TRIP11: variants seen among roughly 807,000 people sequenced by gnomAD.
TRIP11 encodes thyroid receptor-interacting protein 11.
Under a neutral mutation model 223.1 loss-of-function variants are expected in TRIP11, and 148 were observed. The observed-to-expected ratio is 0.66, with a 90% CI of 0.58 to 0.76. TRIP11 has a LOEUF of 0.76. Ranked by LOEUF, TRIP11 falls within the 30% of genes least tolerant of loss-of-function variation. The probability of loss-of-function intolerance (pLI) is 0.00; values close to 1 mark genes in which losing one functional copy is unlikely to be tolerated. For missense variants in TRIP11, 2,043 were observed against 2,222.0 expected, an observed-to-expected ratio of 0.92 and a Z score of 1.62; for synonymous variants, 762 against 772.6, an observed-to-expected ratio of 0.99 and a Z score of 0.23.
At chr14:91,972,601 G>A in intron 20 of TRIP11, 116 bp downstream of exon 20, 1 of 1,059,152 alleles carries the variant, frequency 9.4e-7, no homozygotes, top group Non-Finnish European at 1.3e-6. Context: ...AATTCTGGAA[G>A]TCCTGATTAC....
Position 92,005,500 on chromosome 14 carries a change from T to C in TRIP11, c.2476A>G (p.Lys826Glu), listed in dbSNP as rs1001603991. ...TATTTATCCAATTCCTCCTGCAGCT[T>C]TGAACTTCTTTCTTTAAGCTTTTCA... ...FIEKLKERSSKLQEELDKYSQ... is the reference protein window; with the variant it reads ...FIEKLKERSSELQEELDKYSQ... The change falls in exon 11 of 21, where the codon AAG becomes GAG. Residue 826 changes from lysine to glutamate, a missense_variant. Coordinates refer to ENST00000267622, the MANE Select transcript of TRIP11 (RefSeq NM_004239.4). 1.2e-5 allele frequency: 19 copies of C among 1,613,566 alleles called. No homozygotes were observed. In the African/African-American group the frequency reaches 1.9e-4, roughly 16 times the overall value.
intron 1 of TRIP11, 115 bp downstream of exon 1, chr14:92,039,432 G>A: frequency 8.9e-7 from 1 of 1,120,684 alleles, no homozygotes; most frequent in South Asian, 1.4e-5. Context: ...AGAAAAAAGG[G>A]AGGAGCAGCA....
intron 13 of TRIP11, 78 bp from the exon 14 acceptor site, chr14:91,995,593 T>C: frequency 7.7e-7 from 1 of 1,299,978 alleles, no homozygotes; most frequent in Non-Finnish European, 1.1e-6. Flanking sequence ...CTTCCCTACA[T>C]CTTATTACTT....
chr14:91,978,233 G>C lies in TRIP11; in HGVS notation c.5261-2044C>G, dbSNP rs190830950. ...GCAAATAAGTTAATCTCTCGTCACT[G>C]TTTTGACTTAACCGTCCCACTCACA... On this transcript the variant is annotated intron_variant, in intron 16 of 20. Coordinates refer to ENST00000267622, the MANE Select transcript of TRIP11 (RefSeq NM_004239.4). This position sits in a 1 kb window ranked among gnomAD's most constrained non-coding sequence, Gnocchi z 4.4. 6.6e-6 allele frequency among the ~76,000 whole-genome samples: 1 copy of C among 152,240 alleles called. No individual in the cohort carries two copies. Among genetic ancestry groups the C allele is most frequent in the Non-Finnish European group, 1.5e-5 (1 of 67,996 alleles).
At position 91,978,434 on chromosome 14, in the gene TRIP11, A is replaced by C. The variant is rs2056495006; in HGVS notation, c.5261-2245T>G. On this transcript the variant is annotated intron_variant, in intron 16 of 20. Transcript: ENST00000267622. The surrounding 1 kb of genome is among the most constrained non-coding windows in gnomAD (Gnocchi z 4.4). ...CCCTTCTCCTACCTACTTTCCTCTA[A>C]AATTAGTAATTTGTATATTGATTAC... is the stretch of plus-strand genomic sequence containing the variant. Among the ~76,000 whole-genome samples, 1 of 151,880 alleles carries C rather than the reference A, an allele frequency of 6.6e-6. No individual in the cohort carries two copies. Among genetic ancestry groups the C allele is most frequent in the Non-Finnish European group, 1.5e-5 (1 of 68,020 alleles).
chr14:91,976,494 G>C (rs1434120135), intron 16 of TRIP11, among the ~76,000 whole-genome samples: 3 of 152,190 alleles, frequency 2.0e-5, no homozygotes, highest in Admixed American at 6.5e-5. Flanking sequence ...TAGCAAAGAA[G>C]AGATTTTCAT....
chr14:92,011,483 C>CAA lies in TRIP11; in HGVS notation c.1227+270_1227+271dup, dbSNP rs200967942. 0.042 allele frequency among the ~76,000 whole-genome samples: 1,800 copies of CAA among 42,422 alleles called. 389 individuals are homozygous for CAA. The highest frequency in any genetic ancestry group is 0.14 in the African/African-American group (1,565 of 11,478). 27.8% of individuals were successfully genotyped at this position (42,422 alleles called of 152,430 possible). On this transcript the variant is annotated intron_variant, in intron 8 of 20. Coordinates refer to ENST00000267622, the MANE Select transcript of TRIP11 (RefSeq NM_004239.4). ...TGGGTGACAGAGCAAGACTCCGTCT[C>CAA]AAAAAAAAAAAAAAAAAAAAAAAAA...
At chr14:91,976,879 C>G (rs1009039740) in intron 16 of TRIP11, among the ~76,000 whole-genome samples, 1 of 152,116 alleles carries the variant, frequency 6.6e-6, no homozygotes, top group African/African-American at 2.4e-5. Flanking sequence ...AAGGCAAAGT[C>G]TAGAATTACA....
At chr14:91,997,928 A>T (rs2056771328) in intron 13 of TRIP11, among the ~76,000 whole-genome samples, 2 of 152,196 alleles carry the variant, frequency 1.3e-5, no homozygotes, top group Non-Finnish European at 2.9e-5. Flanking sequence ...AGTGCAAAAA[A>T]AGAGTGAGAA....
At chr14:91,987,267 A>G (rs2056614978) in intron 16 of TRIP11, among the ~76,000 whole-genome samples, 1 of 152,070 alleles carries the variant, frequency 6.6e-6, no homozygotes, top group Non-Finnish European at 1.5e-5. Flanking sequence ...GAATCAAGTC[A>G]TTTTGAGGAC....
intron 16 of TRIP11, among the ~76,000 whole-genome samples, chr14:91,981,022 T>A (rs1277068356): frequency 4.9e-4 from 61 of 125,110 alleles, no homozygotes; most frequent in African/African-American, 1.8e-3. Context: ...ATTTTTTTTT[T>A]TTTTTTTTTT....
At position 91,995,348 on chromosome 14, in the gene TRIP11, T is replaced by C. The variant is rs1446711287; in HGVS notation, c.5056+4A>G. On this transcript the variant is annotated splice_donor_region_variant and intron_variant, in intron 14 of 20. Coordinates refer to ENST00000267622, the MANE Select transcript of TRIP11 (RefSeq NM_004239.4). ...TTCATTGAAAGAGTGACCGTAGAGC[T>C]TACCTTGTTGGAAATGCTCTAGTAC... 1 of 1,613,330 alleles carries C rather than the reference T, an allele frequency of 6.2e-7. No homozygotes were observed. The highest frequency in any genetic ancestry group is 1.7e-5 in the Admixed American group (1 of 60,024).
At chr14:92,028,285 C>T (rs540330667) in intron 2 of TRIP11, among the ~76,000 whole-genome samples, 2 of 152,248 alleles carry the variant, frequency 1.3e-5, no homozygotes, top group East Asian at 1.9e-4. Context: ...AAGGGCTAGG[C>T]GTGGTGGCTC....
chr14:92,011,704 G>A, intron 8 of TRIP11, 51 bp downstream of exon 8: 1 of 1,480,310 alleles, frequency 6.8e-7, no homozygotes, highest in South Asian at 1.1e-5. Context: ...CTTGGTATAG[G>A]ATCTGCTTCC....
rs144780536 is a variant in TRIP11 at position 92,003,563 on chromosome 14, T to G, written c.4413A>C (p.Thr1471=). ...LKGENEKIVE[T]YRGKETEYQA... is the part of the protein sequence containing the mutation. ...GATATTCTGTTTCCTTTCCCCTGTATGTTTCCACTATTTTTTCATTTTCTC... is the reference window on the plus strand; with the variant it reads ...GATATTCTGTTTCCTTTCCCCTGTAGGTTTCCACTATTTTTTCATTTTCTC... The change falls in exon 11 of 21, where the codon ACA becomes ACC. Residue 1471 remains threonine, a synonymous_variant. Coordinates refer to ENST00000267622, the MANE Select transcript of TRIP11 (RefSeq NM_004239.4). 4,055 of 1,614,194 alleles carry G rather than the reference T, an allele frequency of 2.5e-3. 16 individuals are homozygous for G. Among genetic ancestry groups the G allele is most frequent in the South Asian group, 7.8e-3 (710 of 91,086 alleles).
At chr14:91,998,720 C>A (rs10144737) in intron 13 of TRIP11, among the ~76,000 whole-genome samples, 7,378 of 151,176 alleles carry the variant, frequency 0.049, 540 homozygotes, top group African/African-American at 0.16. Context: ...AAAAAGTTTT[C>A]TTGAGAGAAA....
At chr14:92,018,092 CCTTT>C (rs2057058877) in intron 4 of TRIP11, among the ~76,000 whole-genome samples, 1 of 150,736 alleles carries the variant, frequency 6.6e-6, no homozygotes, top group Non-Finnish European at 1.5e-5. Flanking sequence ...ATTTCTTTTT[CCTTT>C]CTTTTTTTTT....
At chr14:92,025,773 G>A (rs762952755) in intron 2 of TRIP11, among the ~76,000 whole-genome samples, 6 of 151,738 alleles carry the variant, frequency 4.0e-5, no homozygotes, top group Non-Finnish European at 8.8e-5. Flanking sequence ...CCAGCTACTC[G>A]CGAGGCTGAG....
Position 91,969,507 on chromosome 14 carries a change from C to T in TRIP11, c.*166G>A. 2 of 723,544 alleles carry T rather than the reference C, an allele frequency of 2.8e-6. No individual in the cohort carries two copies. The highest frequency in any genetic ancestry group is 4.9e-6 in the Non-Finnish European group (2 of 410,214). The allele number at this position is 723,544 out of a possible 1,614,324, so 44.8% of individuals were successfully genotyped here. Reference sequence around the variant, plus strand: ...ATATAGCAAACACTTGCTCCTGACACCTGCAGTTTCTAAAAGCATTAGGAA... The same window carrying T: ...ATATAGCAAACACTTGCTCCTGACATCTGCAGTTTCTAAAAGCATTAGGAA... On this transcript the variant is annotated 3_prime_UTR_variant, in exon 21 of 21. Coordinates refer to ENST00000267622, the MANE Select transcript of TRIP11 (RefSeq NM_004239.4).
Sources: gnomAD v4.1 joint callset for allele counts (sites outside exome capture counted in the v4.1 genomes callset) on GRCh38, gnomAD v4.1.1 for gene constraint, Gnocchi (gnomAD v3.1) non-coding constraint, MANE v1.5 for transcripts, NCBI Gene and HGNC (gene_info 2026-07-23, HGNC 2026-07-21) for gene names.